Variants in ARHGAP15 observed in about 807,000 individuals in gnomAD.
ARHGAP15 encodes Rho GTPase activating protein 15.
In ARHGAP15, 51 loss-of-function variants were observed where a neutral mutation model predicts 63.7. That is an observed-to-expected ratio of 0.80 (90% CI 0.64 to 1.01). ARHGAP15 has a LOEUF of 1.01. Ranked by LOEUF, ARHGAP15 falls within the 50% of genes least tolerant of loss-of-function variation. The pLI, the probability that ARHGAP15 is intolerant of heterozygous loss-of-function variation, is 0.00. For synonymous variants in ARHGAP15, 191 were observed against 193.8 expected (o/e 0.99, Z 0.12); for missense variants, 560 against 564.6 (o/e 0.99, Z 0.08).
chr2:143,556,359 A>G, intron 10 of ARHGAP15, 49 bp from the exon 11 acceptor site: 2 of 1,395,492 alleles, frequency 1.4e-6, no homozygotes, highest in Non-Finnish European at 2.0e-6. Flanking sequence ...TTTTTAAACC[A>G]TCTCAATTCC....
Position 143,768,037 on chromosome 2 carries a change from G to T in ARHGAP15, c.1293G>T (p.Gly431=). 1 of 1,613,682 alleles carries T rather than the reference G, an allele frequency of 6.2e-7. No individual in the cohort carries two copies. The highest frequency in any genetic ancestry group is 1.1e-5 in the South Asian group (1 of 91,062). ...SKNLMSTQSL[G]IVFGPTLLRA... ...ACCTCATGTCCACGCAAAGCTTGGG[G>T]ATTGTATTTGGACCTACCCTTCTGC... Residue 431 remains glycine (G), a synonymous_variant, in exon 14 of 14, where the codon GGG becomes GGT. Coordinates refer to ENST00000295095, the MANE Select transcript of ARHGAP15 (RefSeq NM_018460.4).
chr2:143,148,542 C>T (rs1169238022), intron 1 of ARHGAP15, among the ~76,000 whole-genome samples: 3 of 152,026 alleles, frequency 2.0e-5, no homozygotes, highest in East Asian at 1.9e-4. Flanking sequence ...TTTAAGATGG[C>T]CATGTGCAGT....
intron 10 of ARHGAP15, among the ~76,000 whole-genome samples, chr2:143,550,832 A>G (rs535961523): frequency 5.3e-5 from 8 of 152,334 alleles, no homozygotes; most frequent in Non-Finnish European, 1.2e-4. Context: ...AAGTCTCAAA[A>G]TAGTTATAAA....
chr2:143,268,196 T>C (rs1474815701), intron 6 of ARHGAP15, among the ~76,000 whole-genome samples: 1 of 151,868 alleles, frequency 6.6e-6, no homozygotes, highest in East Asian at 1.9e-4. Context: ...TTTTCCACTT[T>C]GAAGAGATTG....
intron 6 of ARHGAP15, among the ~76,000 whole-genome samples, chr2:143,307,572 T>A (rs1380509378): frequency 6.6e-6 from 1 of 152,138 alleles, no homozygotes. Context: ...CTGTCCCATA[T>A]TACAAATTGA....
intron 10 of ARHGAP15, among the ~76,000 whole-genome samples, chr2:143,548,618 T>A (rs1330053796): frequency 6.6e-6 from 1 of 152,026 alleles, no homozygotes; most frequent in Admixed American, 6.6e-5. Flanking sequence ...ATAAAAATTC[T>A]TATTTTCCAT....
At chr2:143,155,380 C>T (rs1690036167) in intron 1 of ARHGAP15, 97 bp from the exon 2 acceptor site, 3 of 1,168,570 alleles carry the variant, frequency 2.6e-6, no homozygotes, top group African/African-American at 1.6e-5. Flanking sequence ...TGTTTATCAA[C>T]TTTTAATATC....
intron 13 of ARHGAP15, among the ~76,000 whole-genome samples, chr2:143,710,309 A>G (rs185914884): frequency 1.4e-4 from 21 of 152,254 alleles, no homozygotes; most frequent in Admixed American, 9.8e-4. Context: ...AAATTTCTCA[A>G]CTGGACTCCC....
At chr2:143,254,394 ATAAT>A (rs1680313234) in intron 6 of ARHGAP15, among the ~76,000 whole-genome samples, 1 of 151,978 alleles carries the variant, frequency 6.6e-6, no homozygotes, top group African/African-American at 2.4e-5. Flanking sequence ...TGGCTGCAAA[ATAAT>A]TTAGAACAAG....
chr2:143,382,557 T>G (rs1205600825), intron 6 of ARHGAP15, among the ~76,000 whole-genome samples: 2 of 152,134 alleles, frequency 1.3e-5, no homozygotes. Context: ...CATTTTAACT[T>G]GATTAGCTCT....
At chr2:143,598,475 AG>A (rs1416409929) in intron 11 of ARHGAP15, among the ~76,000 whole-genome samples, 1 of 152,178 alleles carries the variant, frequency 6.6e-6, no homozygotes, top group South Asian at 2.1e-4. Context: ...ATCCGCTGTA[AG>A]GTGGCTAAAG....
chr2:143,634,308 C>T lies in ARHGAP15; in HGVS notation c.1138+10041C>T, dbSNP rs138345304. Among the ~76,000 whole-genome samples the T allele has an allele frequency of 2.4e-3, 359 of 152,192 alleles. 3 individuals carry two copies. The highest frequency in any genetic ancestry group is 8.3e-3 in the African/African-American group (346 of 41,532). ...CATCAGCTAAGCTAAAGTTTCTACC[C>T]GCACCGCACACCACCACCTGTATTC... On this transcript the variant is annotated intron_variant, in intron 12 of 13. Coordinates refer to ENST00000295095, the MANE Select transcript of ARHGAP15 (RefSeq NM_018460.4).
intron 6 of ARHGAP15, among the ~76,000 whole-genome samples, chr2:143,328,962 C>T (rs1242963702): frequency 6.6e-6 from 1 of 152,176 alleles, no homozygotes; most frequent in African/African-American, 2.4e-5. Flanking sequence ...AATATACACA[C>T]CTACTGTGGT....
chr2:143,420,950 C>G (rs1181438547), intron 6 of ARHGAP15, among the ~76,000 whole-genome samples: 3 of 152,170 alleles, frequency 2.0e-5, no homozygotes, highest in African/African-American at 7.2e-5. Flanking sequence ...ACTCCCAGAT[C>G]TTGTATCATG....
intron 10 of ARHGAP15, among the ~76,000 whole-genome samples, chr2:143,527,247 T>C (rs1282824321): frequency 2.0e-5 from 3 of 152,068 alleles, no homozygotes; most frequent in African/African-American, 7.2e-5. Flanking sequence ...GTGGTCTATA[T>C]GAATGAACAT....
At position 143,660,481 on chromosome 2, in the gene ARHGAP15, A is replaced by C. The variant is rs981126616; in HGVS notation, c.1138+36214A>C. 2.6e-5 allele frequency among the ~76,000 whole-genome samples: 4 copies of C among 152,246 alleles called. 1 individual carries two copies. In the South Asian group the frequency reaches 8.3e-4, roughly 31 times the overall value. ...AGTGGTTTAACCTGTCTAAGAATCA[A>C]AGGGTTGGAAACAAGGAAGACTTTA... is the stretch of plus-strand genomic sequence containing the variant. On this transcript the variant is annotated intron_variant, in intron 12 of 13. Coordinates refer to ENST00000295095, the MANE Select transcript of ARHGAP15 (RefSeq NM_018460.4).
intron 13 of ARHGAP15, among the ~76,000 whole-genome samples, 179 bp from the exon 14 acceptor site, chr2:143,767,810 C>G (rs2072971697): frequency 1.3e-5 from 2 of 152,116 alleles, no homozygotes; most frequent in Non-Finnish European, 2.9e-5. Context: ...GGCAATGTAT[C>G]CTTTCCCCAA....
chr2:143,338,953 A>G (rs572308293), intron 6 of ARHGAP15, among the ~76,000 whole-genome samples: 14 of 152,284 alleles, frequency 9.2e-5, no homozygotes, highest in African/African-American at 1.4e-4. Flanking sequence ...TCTTTCCACT[A>G]TGTCATTCTA....
chr2:143,762,626 A>T (rs377753388), intron 13 of ARHGAP15, among the ~76,000 whole-genome samples: 11 of 152,288 alleles, frequency 7.2e-5, no homozygotes, highest in African/African-American at 2.6e-4. Flanking sequence ...TACACTCTTC[A>T]GTGTTACTCA....
Sources: allele counts gnomAD v4.1 joint callset (sites outside exome capture counted in the v4.1 genomes callset), GRCh38; gene constraint gnomAD v4.1.1; transcripts MANE v1.5; gene names NCBI Gene and HGNC (gene_info 2026-07-23, HGNC 2026-07-21).